Variants in ZMAT4 observed in about 807,000 individuals in gnomAD.
ZMAT4 encodes zinc finger matrin-type protein 4.
ZMAT4 carries 17 observed loss-of-function variants against 28.7 expected under a neutral mutation model. The ratio of observed to expected loss-of-function variants is 0.59; its 90% CI spans 0.41 to 0.89. The LOEUF is 0.89. Ranked by LOEUF, ZMAT4 falls within the 40% of genes least tolerant of loss-of-function variation. The pLI is 0.00. For missense variants in ZMAT4, 240 were observed against 283.8 expected (o/e 0.85, Z 1.11); for synonymous variants, 117 against 109.2 (o/e 1.07, Z -0.44).
intron 5 of ZMAT4, among the ~76,000 whole-genome samples, chr8:40,646,272 CT>C (rs1352242371): frequency 1.3e-5 from 2 of 150,970 alleles, no homozygotes; most frequent in African/African-American, 2.4e-5. Context: ...TCTCTTCGTG[CT>C]TTTTTTCATG....
At chr8:40,835,015 T>C (rs1311585071) in intron 1 of ZMAT4, among the ~76,000 whole-genome samples, 2 of 152,192 alleles carry the variant, frequency 1.3e-5, no homozygotes, top group African/African-American at 4.8e-5. Flanking sequence ...GGAGCGCAGA[T>C]GTCAGGGAAA....
intron 1 of ZMAT4, among the ~76,000 whole-genome samples, chr8:40,865,967 C>T (rs558250344): frequency 5.1e-4 from 77 of 152,306 alleles, no homozygotes; most frequent in Non-Finnish European, 8.4e-4. Flanking sequence ...AAGCCTCGGC[C>T]CCAGGAGTGC....
intron 5 of ZMAT4, among the ~76,000 whole-genome samples, chr8:40,589,812 TC>T (rs1804812998): frequency 7.2e-6 from 1 of 138,272 alleles, no homozygotes; most frequent in Non-Finnish European, 1.7e-5. Context: ...GTCTTTCCTT[TC>T]TTTTTTATTT....
intron 3 of ZMAT4, among the ~76,000 whole-genome samples, chr8:40,766,934 G>T (rs529844362): frequency 6.6e-6 from 1 of 152,298 alleles, no homozygotes; most frequent in African/African-American, 2.4e-5. Flanking sequence ...CAAAGGGCGA[G>T]GAATTTCTGT....
chr8:40,861,214 T>C (rs1466411175), intron 1 of ZMAT4, among the ~76,000 whole-genome samples: 1 of 152,222 alleles, frequency 6.6e-6, no homozygotes, highest in East Asian at 1.9e-4. Flanking sequence ...AAGTGCTCGG[T>C]AGGTATGAAT....
rs1220964447 is a variant in ZMAT4 at position 40,550,946 on chromosome 8, T to C, written c.675-18708A>G. On this transcript the variant is annotated intron_variant, in intron 6 of 6. Coordinates refer to ENST00000297737, the MANE Select transcript of ZMAT4 (RefSeq NM_024645.3). ...CAATATATAATAGGAGAATATCATA[T>C]AGACTTTAACTATATAACAGAACCA... is the stretch of plus-strand genomic sequence containing the variant. 2.0e-5 allele frequency among the ~76,000 whole-genome samples: 3 copies of C among 152,208 alleles called. 1 individual carries two copies.
chr8:40,536,842 A>G (rs1802861101), intron 6 of ZMAT4, among the ~76,000 whole-genome samples: 1 of 152,098 alleles, frequency 6.6e-6, no homozygotes, highest in Admixed American at 6.6e-5. Flanking sequence ...TGCTTAAGAC[A>G]AGGGGCACAA....
chr8:40,811,299 C>G (rs924451363), intron 2 of ZMAT4, among the ~76,000 whole-genome samples: 2 of 152,146 alleles, frequency 1.3e-5, no homozygotes, highest in Non-Finnish European at 2.9e-5. Context: ...AGTGGATCTT[C>G]ACAACTGTGA....
intron 2 of ZMAT4, among the ~76,000 whole-genome samples, chr8:40,775,795 G>A (rs1290720647): frequency 6.6e-5 from 10 of 152,202 alleles, no homozygotes; most frequent in Admixed American, 5.9e-4. Context: ...CAATGTGACT[G>A]TATCTGGAAG....
chr8:40,553,815 G>A (rs938616566), intron 6 of ZMAT4, among the ~76,000 whole-genome samples: 3 of 152,080 alleles, frequency 2.0e-5, no homozygotes, highest in African/African-American at 7.2e-5. Context: ...ACCAAAGACT[G>A]TTAGATGATA....
chr8:40,877,433 T>A (rs1238773061), intron 1 of ZMAT4, among the ~76,000 whole-genome samples: 3 of 152,222 alleles, frequency 2.0e-5, no homozygotes. Context: ...CCAGGAAGGC[T>A]GGAACGATTG....
intron 5 of ZMAT4, among the ~76,000 whole-genome samples, chr8:40,635,290 A>C (rs1806750232): frequency 6.6e-6 from 1 of 152,158 alleles, no homozygotes; most frequent in Non-Finnish European, 1.5e-5. Context: ...CCTTAATACG[A>C]GTGGGTAGGA....
intron 1 of ZMAT4, among the ~76,000 whole-genome samples, chr8:40,832,122 G>A (rs1054598075): frequency 6.6e-6 from 1 of 152,076 alleles, no homozygotes; most frequent in Non-Finnish European, 1.5e-5. Flanking sequence ...TCAGCACTGG[G>A]CATGCCCTTC....
intron 5 of ZMAT4, among the ~76,000 whole-genome samples, chr8:40,657,602 C>T (rs193205268): frequency 6.6e-6 from 1 of 152,130 alleles, no homozygotes; most frequent in African/African-American, 2.4e-5. Context: ...TCCTCTTTCT[C>T]CTTGGTCTTC....
intron 2 of ZMAT4, among the ~76,000 whole-genome samples, chr8:40,776,162 C>G (rs1490562808): frequency 6.6e-6 from 1 of 152,216 alleles, no homozygotes; most frequent in Non-Finnish European, 1.5e-5. Context: ...CTCCTGGGGT[C>G]TTTCTTCTTC....
intron 5 of ZMAT4, among the ~76,000 whole-genome samples, chr8:40,587,260 T>C (rs1804700309): frequency 6.6e-6 from 1 of 152,090 alleles, no homozygotes; most frequent in Non-Finnish European, 1.5e-5. Context: ...AAACCAGTAC[T>C]ACAGAAATGC....
intron 4 of ZMAT4, among the ~76,000 whole-genome samples, chr8:40,679,016 T>C (rs1809029406): frequency 6.6e-6 from 1 of 152,162 alleles, no homozygotes; most frequent in South Asian, 2.1e-4. Flanking sequence ...CAGCCCCAAA[T>C]ATTTTCAACA....
chr8:40,879,260 A>G (rs1353316437), intron 1 of ZMAT4, among the ~76,000 whole-genome samples: 2 of 150,556 alleles, frequency 1.3e-5, no homozygotes, highest in East Asian at 3.9e-4. Flanking sequence ...GAGCTCTACA[A>G]AAAATTTAAA....
At chr8:40,568,129 A>C (rs1803980870) in intron 6 of ZMAT4, among the ~76,000 whole-genome samples, 1 of 152,280 alleles carries the variant, frequency 6.6e-6, no homozygotes, top group South Asian at 2.1e-4. Flanking sequence ...TTTATTGTCA[A>C]GGTTAATACT....
Sources: allele counts gnomAD v4.1 joint callset (sites outside exome capture counted in the v4.1 genomes callset), GRCh38; gene constraint gnomAD v4.1.1; transcripts MANE v1.5; gene names NCBI Gene and HGNC (gene_info 2026-07-23, HGNC 2026-07-21).